The following SEPTIN8 variants were observed in gnomAD, a reference collection of about 807,000 sequenced individuals.
SEPTIN8 encodes the protein septin-8.
A neutral mutation model predicts 53.1 loss-of-function variants in SEPTIN8; 22 were observed. The ratio of observed to expected loss-of-function variants is 0.41; its 90% CI spans 0.30 to 0.59. The LOEUF (loss-of-function observed/expected upper bound fraction) is 0.59, where lower values mean the gene tolerates loss of function less well. SEPTIN8 is among the 20% of genes least tolerant of loss of function. The pLI, the probability that SEPTIN8 is intolerant of heterozygous loss-of-function variation, is 0.24. For synonymous variants in SEPTIN8, 228 were observed against 248.4 expected (o/e 0.92, Z 0.77); for missense variants, 536 against 638.7 (o/e 0.84, Z 1.73).
intron 1 of SEPTIN8, chr5:132,775,811 T>C (rs1440487715): frequency 6.6e-6 from 1 of 152,176 alleles, no homozygotes; most frequent in Admixed American, 6.5e-5. Flanking sequence ...TAAATTCCAA[T>C]TTATAATACG....
rs1286121648 is a variant in SEPTIN8, at chr5:132,776,247, A to T, written c.30+861T>A. On this transcript the variant is annotated intron_variant, in intron 1 of 9. Transcript: ENST00000378719. This position sits in a 1 kb window ranked among gnomAD's most constrained non-coding sequence, Gnocchi z 4.4. ...AGAGGACACAGCTTCCTTCACTGTC[A>T]CAGCCTAGCCTCCCAGACACACCCA... Among the ~76,000 whole-genome samples, 3 of 151,308 alleles carry T rather than the reference A, an allele frequency of 2.0e-5. No individual in the cohort carries two copies. Among genetic ancestry groups the T allele is most frequent in the Non-Finnish European group, 1.5e-5 (1 of 67,898 alleles).
intron 9 of SEPTIN8, among the ~76,000 whole-genome samples, chr5:132,754,948 G>C (rs1188486019): frequency 2.0e-5 from 3 of 152,312 alleles, no homozygotes; most frequent in Middle Eastern, 3.4e-3. Flanking sequence ...GAACAGGGCA[G>C]GGGGAGCATC....
Position 132,776,854 on chromosome 5 carries a change from C to G in SEPTIN8, c.30+254G>C, listed in dbSNP as rs1329058585. 6.6e-6 allele frequency among the ~76,000 whole-genome samples: 1 copy of G among 152,158 alleles called. No individual in the cohort carries two copies. The highest frequency in any genetic ancestry group is 1.9e-4 in the East Asian group (1 of 5,170). ...GAGCCAGGCGGGTCTTTGCTCCTTC[C>G]CGCGAAAGGGGTTAGCCTTGCCTGC... On this transcript the variant is annotated intron_variant, in intron 1 of 9. Transcript: ENST00000378719. This position sits in a 1 kb window ranked among gnomAD's most constrained non-coding sequence, Gnocchi z 4.4.
intron 9 of SEPTIN8, chr5:132,753,664 T>G (rs1755055653): frequency 6.6e-6 from 1 of 152,456 alleles, no homozygotes; most frequent in Admixed American, 6.5e-5. Context: ...ACTAGAGGGA[T>G]TTTGTGCTAA....
chr5:132,777,889 G>C, upstream of SEPTIN8: 9 of 985,498 alleles, frequency 9.1e-6, no homozygotes, highest in Non-Finnish European at 1.1e-5. This position sits in a 1 kb window ranked among gnomAD's most constrained non-coding sequence, Gnocchi z 4.1. Context: ...GTTTAGGCTG[G>C]GATTCCTGCA....
In SEPTIN8 at chr5:132,761,494, C is replaced by G. The variant is rs779479857; in HGVS notation, c.926G>C (p.Gly309Ala). The part of the protein sequence containing the change: ...LYRRCKLEEM[G>A]FQDSDGDSQP... ...GCTGTCACCATCGCTGTCCTGAAAG[C>G]CCATCTCCTCCAACTTGCAGCGCCG... Residue 309 changes from glycine (G) to alanine (A), a missense_variant, in exon 7 of 10, where the codon GGC becomes GCC. By Grantham distance (60) the Gly-to-Ala change is moderately conservative. Coordinates refer to ENST00000378719, the MANE Select transcript of SEPTIN8 (RefSeq NM_001098811.2). The surrounding 1 kb of genome is among the most constrained non-coding windows in gnomAD (Gnocchi z 5.8). 2 of 1,613,336 alleles carry G rather than the reference C, an allele frequency of 1.2e-6. No homozygotes were observed. The highest frequency in any genetic ancestry group is 1.7e-6 in the Non-Finnish European group (2 of 1,179,936).
chr5:132,763,528 G>A (rs1448428569), intron 4 of SEPTIN8, among the ~76,000 whole-genome samples, 178 bp downstream of exon 4: 1 of 152,236 alleles, frequency 6.6e-6, no homozygotes, highest in African/African-American at 2.4e-5. Flanking sequence ...GAGCATTGGG[G>A]GCCACTGGAG....
chr5:132,754,471 G>GGT (rs1685172523), intron 9 of SEPTIN8: 1 of 717,370 alleles, frequency 1.4e-6, no homozygotes, highest in African/African-American at 1.7e-5. Context: ...TGCTTAACCA[G>GGT]GTGGCTATGG....
rs1755736342 is a variant in SEPTIN8 at position 132,760,068 on chromosome 5, C to T, written c.1286+734G>A. Among the ~76,000 whole-genome samples the T allele has an allele frequency of 6.6e-6, 1 of 152,092 alleles. No homozygotes were observed. Among genetic ancestry groups the T allele is most frequent in the Non-Finnish European group, 1.5e-5 (1 of 68,020 alleles). On this transcript the variant is annotated intron_variant, in intron 9 of 9. Coordinates refer to ENST00000378719, the MANE Select transcript of SEPTIN8 (RefSeq NM_001098811.2). This position sits in a 1 kb window ranked among gnomAD's most constrained non-coding sequence, Gnocchi z 5.2. ...GGGGCAGCTCTTCTCCCCAAAAGAA[C>T]CCACAGAGCCCCTGTGGGAAGCCGC...
Position 132,777,198 on chromosome 5 carries a change from C to T in SEPTIN8, c.-61G>A. 1 of 1,161,714 alleles carries T rather than the reference C, an allele frequency of 8.6e-7. No individual in the cohort carries two copies. The highest frequency in any genetic ancestry group is 1.1e-6 in the Non-Finnish European group (1 of 941,948). The allele number at this position is 1,161,714 out of a possible 1,614,324, so 72.0% of individuals were successfully genotyped here. Reference sequence around the variant, plus strand: ...GCGCAGGGGCAGCGACAGGGACCAGCCGGCTGCGGGACGCGCTCCGCCCGG... The same window carrying T: ...GCGCAGGGGCAGCGACAGGGACCAGTCGGCTGCGGGACGCGCTCCGCCCGG... On this transcript the variant is annotated 5_prime_UTR_variant, in exon 1 of 10. Transcript: ENST00000378719. The surrounding 1 kb of genome is among the most constrained non-coding windows in gnomAD (Gnocchi z 4.1).
Position 132,765,334 on chromosome 5 carries a change from C to T in SEPTIN8, c.151+75G>A, listed in dbSNP as rs936403483. ...CCTGGGAAGCCCCCTTGCAGCTCAA[C>T]AGGGGGCCAGAAGCACCCCCTCTCC... On this transcript the variant is annotated intron_variant, in intron 2 of 9. Transcript: ENST00000378719. 3.9e-6 allele frequency: 6 copies of T among 1,552,882 alleles called. No individual in the cohort carries two copies. In the African/African-American group the frequency reaches 6.9e-5, roughly 18 times the overall value.
At chr5:132,753,591 G>A (rs1755049463) in intron 9 of SEPTIN8, 1 of 152,680 alleles carries the variant, frequency 6.5e-6, no homozygotes, top group Admixed American at 6.5e-5. Flanking sequence ...TGTAACTTGA[G>A]CAAGCTTTAG....
At chr5:132,765,659 A>C in intron 1 of SEPTIN8, 130 bp from the exon 2 acceptor site, 281 of 1,132,522 alleles carry the variant, frequency 2.5e-4, no homozygotes, top group Non-Finnish European at 3.2e-4. Context: ...AACAAATCTC[A>C]GACACACCCT....
rs1311746988 is a variant in SEPTIN8, at chr5:132,751,402, C to T, written c.*614G>A. The T allele has an allele frequency of 1.1e-5, 2 of 187,890 alleles. No homozygotes were observed. The highest frequency in any genetic ancestry group is 2.2e-5 in the Non-Finnish European group (2 of 91,332). The allele number at this position is 187,890 out of a possible 1,614,324, so 11.6% of individuals were successfully genotyped here. A position where few individuals can be genotyped will look rare whatever the true frequency, so the allele number is the denominator to read the frequency against. ...ACACAATCCTTATTGAAGCTTTAGACCATATTGATCTGGCACTTAAAAAAA... is the reference window on the plus strand; with the variant it reads ...ACACAATCCTTATTGAAGCTTTAGATCATATTGATCTGGCACTTAAAAAAA... On this transcript the variant is annotated 3_prime_UTR_variant, in exon 10 of 10. Transcript: ENST00000378719.
chr5:132,754,433 T>C (rs1412253398), intron 9 of SEPTIN8: 3 of 717,420 alleles, frequency 4.2e-6, no homozygotes, highest in Non-Finnish European at 7.8e-6. Flanking sequence ...CATCCCAGGC[T>C]TTAGGGGAAC....
upstream of SEPTIN8, chr5:132,778,247 C>T: frequency 3.7e-6 from 1 of 267,978 alleles, no homozygotes; most frequent in Non-Finnish European, 5.8e-6. Flanking sequence ...CCCCACTGGC[C>T]TCATCCCAGG....
Position 132,760,923 on chromosome 5 carries a change from G to A in SEPTIN8, c.1165C>T (p.Arg389Trp), listed in dbSNP as rs774181915. 48 of 1,605,650 alleles carry A rather than the reference G, an allele frequency of 3.0e-5. No homozygotes were observed. Among genetic ancestry groups the A allele is most frequent in the African/African-American group, 6.7e-5 (5 of 74,392 alleles). ...EEKRKVEEKRRELEEETNAFN... is the reference protein window; with the variant it reads ...EEKRKVEEKRWELEEETNAFN... ...GCGTTGGTCTCCTCCTCCAGTTCCCGGCGCTTTTCCTCCACCTTGCGCTTC... is the reference window on the plus strand; with the variant it reads ...GCGTTGGTCTCCTCCTCCAGTTCCCAGCGCTTTTCCTCCACCTTGCGCTTC... Residue 389 changes from arginine (R) to tryptophan (W), a missense_variant, in exon 9 of 10, where the codon CGG becomes TGG. Arg to Trp is a moderately radical substitution (Grantham distance 101). Transcript: ENST00000378719. This position sits in a 1 kb window ranked among gnomAD's most constrained non-coding sequence, Gnocchi z 5.2.
intron 1 of SEPTIN8, among the ~76,000 whole-genome samples, chr5:132,769,385 G>C (rs1756944483): frequency 1.3e-5 from 2 of 152,168 alleles, no homozygotes; most frequent in South Asian, 2.1e-4. Context: ...CTGTGTGCCA[G>C]GAACTGAGAT....
At chr5:132,756,035 T>A (rs1011824319) in intron 9 of SEPTIN8, 18 of 984,238 alleles carry the variant, frequency 1.8e-5, no homozygotes, top group African/African-American at 3.5e-5. Flanking sequence ...ATGAAAAAAA[T>A]AAGTACAAAG....
Sources: allele counts gnomAD v4.1 joint callset (sites outside exome capture counted in the v4.1 genomes callset), GRCh38; gene constraint gnomAD v4.1.1; non-coding constraint Gnocchi (gnomAD v3.1); transcripts MANE v1.5; gene names NCBI Gene and HGNC (gene_info 2026-07-23, HGNC 2026-07-21).